Variants in CSGALNACT1 observed in about 807,000 individuals in gnomAD.
The protein encoded by CSGALNACT1 is beta4GalNAcT-1.
CSGALNACT1 carries 52 observed loss-of-function variants against 51.0 expected under a neutral mutation model. The observed-to-expected ratio is 1.02, with a 90% CI of 0.82 to 1.29. CSGALNACT1 has a LOEUF of 1.29. Among genes scored for constraint, CSGALNACT1 ranks in the 50% most tolerant of loss-of-function variants. The pLI, the probability that CSGALNACT1 is intolerant of heterozygous loss-of-function variation, is 0.00. For synonymous variants in CSGALNACT1, 341 were observed against 254.4 expected, an observed-to-expected ratio of 1.34 and a Z score of -3.24; for missense variants, 935 against 679.2, an observed-to-expected ratio of 1.38 and a Z score of -4.19.
intron 1 of CSGALNACT1, among the ~76,000 whole-genome samples, chr8:19,640,877 G>C (rs2056656190): frequency 6.7e-6 from 1 of 149,408 alleles, no homozygotes; most frequent in African/African-American, 2.5e-5. Flanking sequence ...CTTAAGTTTT[G>C]GTTGTTTTTT....
At chr8:19,554,158 A>G (rs778336017) in intron 3 of CSGALNACT1, among the ~76,000 whole-genome samples, 1 of 152,148 alleles carries the variant, frequency 6.6e-6, no homozygotes, top group Non-Finnish European at 1.5e-5. Flanking sequence ...AGAACTCAAA[A>G]GAAAAAAACA....
chr8:19,513,566 T>A (rs1054494412), intron 3 of CSGALNACT1, among the ~76,000 whole-genome samples: 3 of 151,644 alleles, frequency 2.0e-5, no homozygotes, highest in African/African-American at 7.3e-5. Context: ...CTTAATTAGT[T>A]TAGGGCTGAG....
At chr8:19,537,027 T>G (rs1210853730) in intron 3 of CSGALNACT1, among the ~76,000 whole-genome samples, 4 of 152,076 alleles carry the variant, frequency 2.6e-5, no homozygotes, top group Non-Finnish European at 5.9e-5. Flanking sequence ...TCTTGGCCAA[T>G]GGGATCCCAG....
intron 1 of CSGALNACT1, among the ~76,000 whole-genome samples, chr8:19,634,605 T>C (rs2055760825): frequency 6.6e-6 from 1 of 152,158 alleles, no homozygotes; most frequent in Non-Finnish European, 1.5e-5. Context: ...TAGGCTGCAG[T>C]GAGCCATGAT....
intron 1 of CSGALNACT1, among the ~76,000 whole-genome samples, chr8:19,751,985 T>C (rs970906363): frequency 1.3e-5 from 2 of 150,872 alleles, no homozygotes; most frequent in Non-Finnish European, 3.0e-5. Context: ...TATATTTATA[T>C]ATTTATATTA....
chr8:19,750,617 T>C (rs1174880590), intron 1 of CSGALNACT1, among the ~76,000 whole-genome samples: 1 of 152,164 alleles, frequency 6.6e-6, no homozygotes, highest in East Asian at 1.9e-4. Context: ...CTCAGAGATG[T>C]TTAGTAATGG....
chr8:19,532,870 G>C (rs761802119), intron 3 of CSGALNACT1, among the ~76,000 whole-genome samples: 15 of 152,158 alleles, frequency 9.9e-5, no homozygotes, highest in Non-Finnish European at 2.1e-4. Context: ...TACTACAGGT[G>C]AACTACAAAA....
intron 1 of CSGALNACT1, among the ~76,000 whole-genome samples, chr8:19,672,795 T>C (rs777112324): frequency 2.0e-5 from 3 of 152,106 alleles, no homozygotes; most frequent in African/African-American, 7.2e-5. Context: ...TGAAAATGAT[T>C]TGTAGAAAAG....
chr8:19,441,879 A>C (rs2061379457), intron 5 of CSGALNACT1, among the ~76,000 whole-genome samples: 2 of 110,474 alleles, frequency 1.8e-5, no homozygotes, highest in Admixed American at 8.7e-5. Context: ...ACAAGAAAAA[A>C]CAAACAACCC....
At chr8:19,480,544 T>C (rs2071077179) in intron 4 of CSGALNACT1, among the ~76,000 whole-genome samples, 1 of 152,216 alleles carries the variant, frequency 6.6e-6, no homozygotes, top group Admixed American at 6.5e-5. Context: ...TGATTCCATG[T>C]CTTCGCTGTT....
At chr8:19,470,890 G>A (rs995186275) in intron 4 of CSGALNACT1, among the ~76,000 whole-genome samples, 12 of 152,126 alleles carry the variant, frequency 7.9e-5, no homozygotes, top group African/African-American at 2.9e-4. Context: ...GAGGTCAGGA[G>A]TTCCAGACTA....
At chr8:19,720,890 G>A (rs920796532) in intron 1 of CSGALNACT1, among the ~76,000 whole-genome samples, 22 of 152,164 alleles carry the variant, frequency 1.4e-4, no homozygotes, top group African/African-American at 5.3e-4. Flanking sequence ...TGTCCCCAAG[G>A]GGGCCTGCTG....
chr8:19,429,605 T>C (rs2059341006), intron 6 of CSGALNACT1, among the ~76,000 whole-genome samples: 1 of 152,254 alleles, frequency 6.6e-6, no homozygotes, highest in Admixed American at 6.5e-5. Flanking sequence ...GCTTATGTTA[T>C]ATTTTGCTTT....
intron 1 of CSGALNACT1, among the ~76,000 whole-genome samples, chr8:19,656,077 G>A (rs2058249150): frequency 6.6e-6 from 1 of 152,144 alleles, no homozygotes; most frequent in Non-Finnish European, 1.5e-5. Context: ...GGCAACTTGT[G>A]CTTCACACAA....
intron 7 of CSGALNACT1, among the ~76,000 whole-genome samples, chr8:19,419,519 A>G (rs1045188843): frequency 1.3e-5 from 2 of 152,226 alleles, no homozygotes. Context: ...TGGCTGTGCC[A>G]GTGTTCATCA....
At chr8:19,739,006 T>C (rs951318450) in intron 1 of CSGALNACT1, among the ~76,000 whole-genome samples, 17 of 152,130 alleles carry the variant, frequency 1.1e-4, no homozygotes, top group African/African-American at 4.1e-4. Context: ...GAGATACTTT[T>C]TGAGATAAGG....
At chr8:19,657,374 T>A (rs2058376495) in intron 1 of CSGALNACT1, among the ~76,000 whole-genome samples, 1 of 151,932 alleles carries the variant, frequency 6.6e-6, no homozygotes, top group South Asian at 2.1e-4. Context: ...AAGGAAAGAA[T>A]GGATCAGAGG....
At chr8:19,751,205 C>T (rs4921670) in intron 1 of CSGALNACT1, among the ~76,000 whole-genome samples, 32,334 of 152,050 alleles carry the variant, frequency 0.21, 3,556 homozygotes, top group African/African-American at 0.24. Context: ...GGCAGACGTG[C>T]ACTAAGGCCC....
intron 1 of CSGALNACT1, among the ~76,000 whole-genome samples, chr8:19,660,831 G>A (rs889531369): frequency 9.2e-5 from 14 of 152,116 alleles, no homozygotes; most frequent in African/African-American, 3.4e-4. Flanking sequence ...GAAAACACAA[G>A]GTTCTTACAT....
Sources: allele counts gnomAD v4.1 joint callset (sites outside exome capture counted in the v4.1 genomes callset), GRCh38; gene constraint gnomAD v4.1.1; transcripts MANE v1.5; gene names NCBI Gene and HGNC (gene_info 2026-07-23, HGNC 2026-07-21).